RASSF9: variants seen among roughly 807,000 people sequenced by gnomAD.
RASSF9 encodes Ras association domain family member 9.
In RASSF9, 18 loss-of-function variants were observed where a neutral mutation model predicts 21.4. The ratio of observed to expected loss-of-function variants is 0.84; its 90% CI spans 0.58 to 1.25. The LOEUF (loss-of-function observed/expected upper bound fraction) is 1.25. RASSF9 is among the 50% of genes most tolerant of loss of function. The probability of loss-of-function intolerance (pLI) is 0.00; values close to 1 mark genes in which losing one functional copy is unlikely to be tolerated. For synonymous variants in RASSF9, 183 were observed against 179.1 expected (o/e 1.02, Z -0.18); for missense variants, 480 against 503.2 (o/e 0.95, Z 0.44).
chr12:85,821,552 A>C (rs1880211037), intron 1 of RASSF9, among the ~76,000 whole-genome samples: 1 of 151,600 alleles, frequency 6.6e-6, no homozygotes, highest in South Asian at 2.1e-4. Flanking sequence ...GGAGTCTTTC[A>C]GAAAATTAAT....
At position 85,800,959 on chromosome 12, in the gene RASSF9, T is replaced by C. The variant is rs1035100710; in HGVS notation, c.*3743A>G. 3.3e-5 allele frequency: 5 copies of C among 151,946 alleles called. No homozygotes were observed. Among genetic ancestry groups the C allele is most frequent in the African/African-American group, 9.6e-5 (4 of 41,460 alleles). 9.4% of individuals were successfully genotyped at this position (151,946 alleles called of 1,614,324 possible). On this transcript the variant is annotated 3_prime_UTR_variant, in exon 2 of 2. Transcript: ENST00000361228. ...AATATATTTTGTCATGTACAGTAGATATTTAAATAAATATAAAAATAAAAT... is the reference window on the plus strand; with the variant it reads ...AATATATTTTGTCATGTACAGTAGACATTTAAATAAATATAAAAATAAAAT...
intron 1 of RASSF9, among the ~76,000 whole-genome samples, chr12:85,828,908 G>T (rs1316569545): frequency 1.3e-5 from 2 of 152,054 alleles, no homozygotes; most frequent in Non-Finnish European, 2.9e-5. Flanking sequence ...CCATAAAAAG[G>T]TCCATGGTTT....
chr12:85,827,523 T>C (rs985288316), intron 1 of RASSF9, among the ~76,000 whole-genome samples: 3 of 152,194 alleles, frequency 2.0e-5, no homozygotes, highest in African/African-American at 7.2e-5. Context: ...CACCCTTCAA[T>C]GGATTTCCCT....
intron 1 of RASSF9, among the ~76,000 whole-genome samples, chr12:85,806,319 G>A (rs1038526713): frequency 2.1e-4 from 32 of 150,552 alleles, no homozygotes; most frequent in Non-Finnish European, 4.1e-4. Context: ...CAAAGTGCTG[G>A]GATTACAGGC....
chr12:85,801,021 G>A lies in RASSF9; in HGVS notation c.*3681C>T, dbSNP rs1226997180. ...AGAATAGCTTCTACACACTAATGAG[G>A]TGTTGTTATTTTACTTAAGAAGAAA... On this transcript the variant is annotated 3_prime_UTR_variant, in exon 2 of 2. Transcript: ENST00000361228. 6.6e-6 allele frequency: 1 copy of A among 151,796 alleles called. No homozygotes were observed. The highest frequency in any genetic ancestry group is 6.6e-5 in the Admixed American group (1 of 15,240). 9.4% of individuals were successfully genotyped at this position (151,796 alleles called of 1,614,324 possible).
At chr12:85,809,668 AATGATGATGATGATGATGATGATG>A (rs112741704) in intron 1 of RASSF9, among the ~76,000 whole-genome samples, 1 of 139,178 alleles carries the variant, frequency 7.2e-6, no homozygotes, top group South Asian at 2.2e-4. Flanking sequence ...GAATAGTAAT[AATGATGATGATGATGATGATGATG>A]ATGATGATGA....
chr12:85,809,943 CT>C (rs1017532870), intron 1 of RASSF9, among the ~76,000 whole-genome samples: 30 of 150,426 alleles, frequency 2.0e-4, no homozygotes, highest in African/African-American at 6.8e-4. Flanking sequence ...CTATCATTTT[CT>C]TTTTTTCTTT....
At chr12:85,835,244 G>C (rs911212396) in intron 1 of RASSF9, among the ~76,000 whole-genome samples, 3 of 152,078 alleles carry the variant, frequency 2.0e-5, no homozygotes, top group African/African-American at 7.2e-5. Flanking sequence ...GCATGATTGA[G>C]AGAAAAGTGG....
At chr12:85,808,218 A>G (rs146682642) in intron 1 of RASSF9, among the ~76,000 whole-genome samples, 80 of 152,266 alleles carry the variant, frequency 5.3e-4, no homozygotes, top group Admixed American at 3.8e-3. Flanking sequence ...AAAAGTTATT[A>G]CTAAAGGTGA....
At chr12:85,818,081 G>T (rs1322868020) in intron 1 of RASSF9, among the ~76,000 whole-genome samples, 1 of 152,126 alleles carries the variant, frequency 6.6e-6, no homozygotes, top group African/African-American at 2.4e-5. Context: ...GATTAATGTG[G>T]GCATGGTAGC....
At chr12:85,812,540 A>G (rs1309125792) in intron 1 of RASSF9, among the ~76,000 whole-genome samples, 1 of 151,238 alleles carries the variant, frequency 6.6e-6, no homozygotes, top group African/African-American at 2.4e-5. Flanking sequence ...ATTTAAATTT[A>G]TGATTTTATC....
In RASSF9 at chr12:85,804,416, C is replaced by T. The variant is rs1406295294; in HGVS notation, c.*286G>A. ...GTTTATGTAAATCGTTTTCCACAGA[C>T]GCTAAGGAAGATTATCATATGATTC... On this transcript the variant is annotated 3_prime_UTR_variant, in exon 2 of 2. Transcript: ENST00000361228. The T allele has an allele frequency of 2.3e-5, 7 of 304,934 alleles. No individual in the cohort carries two copies. Among genetic ancestry groups the T allele is most frequent in the East Asian group, 1.1e-4 (2 of 17,544 alleles). The allele number at this position is 304,934 out of a possible 1,614,324, so 18.9% of individuals were successfully genotyped here.
rs34395135 is a variant in RASSF9, at chr12:85,805,197, T to C, written c.813A>G (p.Glu271=). The change falls in exon 2 of 2, where the codon GAA becomes GAG. Residue 271 remains glutamate, a synonymous_variant. Coordinates refer to ENST00000361228, the MANE Select transcript of RASSF9 (RefSeq NM_005447.4). ...TGAGTATTCGGTAATATTTCAGTCG[T>C]TCTTCCAGCTGTTCAATTCCATCAC... ...SESDGIEQLE[E]RLKYYRILID... The C allele has an allele frequency of 6.2e-7, 1 of 1,613,902 alleles. No homozygotes were observed. The highest frequency in any genetic ancestry group is 8.5e-7 in the Non-Finnish European group (1 of 1,179,900).
At chr12:85,810,884 A>G (rs1879938494) in intron 1 of RASSF9, among the ~76,000 whole-genome samples, 1 of 150,780 alleles carries the variant, frequency 6.6e-6, no homozygotes. Context: ...ATGCACATAT[A>G]TTGCATGTGT....
At position 85,805,617 on chromosome 12, in the gene RASSF9, G is replaced by C; in HGVS notation, c.393C>G (p.Ala131=). 1.2e-6 allele frequency: 2 copies of C among 1,613,914 alleles called. No homozygotes were observed. Among genetic ancestry groups the C allele is most frequent in the Middle Eastern group, 1.6e-4 (1 of 6,062 alleles). ...LPVPLWRTAE[A]KLVQNTEKLW... ...ATTTTTCTGTGTTTTGCACTAATTT[G>C]GCTTCAGCTGTCCGCCACAAAGGAA... is the stretch of plus-strand genomic sequence containing the variant. The change falls in exon 2 of 2, where the codon GCC becomes GCG. Residue 131 remains alanine, a synonymous_variant. Transcript: ENST00000361228.
At position 85,836,138 on chromosome 12, in the gene RASSF9, C is replaced by A. The variant is rs138047031; in HGVS notation, c.47+17G>T. On this transcript the variant is annotated intron_variant, in intron 1 of 1. Coordinates refer to ENST00000361228, the MANE Select transcript of RASSF9 (RefSeq NM_005447.4). Reference sequence around the variant, plus strand: ...ACACAGAGACACACACACACTTACTCACACGCTTGACTTTACCTGTTTTTA... The same window carrying A: ...ACACAGAGACACACACACACTTACTAACACGCTTGACTTTACCTGTTTTTA... The A allele has an allele frequency of 2.2e-4, 346 of 1,551,252 alleles. 2 individuals carry two copies. The African/African-American group carries it at 4.0e-3, about 18-fold the overall frequency.
chr12:85,823,610 T>C, intron 1 of RASSF9, among the ~76,000 whole-genome samples: 1 of 152,204 alleles, frequency 6.6e-6, no homozygotes, highest in Non-Finnish European at 1.5e-5. Context: ...ACCAATGGAA[T>C]GTGGCAAAAA....
Position 85,805,757 on chromosome 12 carries a change from C to T in RASSF9, c.253G>A (p.Gly85Ser), listed in dbSNP as rs371413533. The T allele has an allele frequency of 1.9e-6, 3 of 1,613,824 alleles. No homozygotes were observed. The highest frequency in any genetic ancestry group is 1.6e-4 in the Middle Eastern group (1 of 6,062). The change falls in exon 2 of 2, where the codon GGC (glycine) becomes AGC (serine). Residue 85 changes from glycine (G) to serine (S), a missense_variant. Transcript: ENST00000361228. ...SDYCIIEKWR[G>S]SERVLPPLTR... ...AGTGGAGGAAGAACCCTTTCGGAGC[C>T]TCTCCACTTCTCTATGATGCAGTAA...
chr12:85,805,324 T>G lies in RASSF9; in HGVS notation c.686A>C (p.Asn229Thr). 1.9e-6 allele frequency: 3 copies of G among 1,613,600 alleles called. No individual in the cohort carries two copies. Among genetic ancestry groups the G allele is most frequent in the Non-Finnish European group, 1.7e-6 (2 of 1,179,882 alleles). ...HLDRVENDGENYVQDAYLMPS... is the reference protein window; with the variant it reads ...HLDRVENDGETYVQDAYLMPS... ...CATTAAATATGCATCCTGAACATAGTTTTCTCCATCATTTTCTACTCGATC... is the reference window on the plus strand; with the variant it reads ...CATTAAATATGCATCCTGAACATAGGTTTCTCCATCATTTTCTACTCGATC... Residue 229 changes from asparagine to threonine, a missense_variant, in exon 2 of 2, where the codon AAC becomes ACC. By Grantham distance (65) the Asn-to-Thr change is moderately conservative. Coordinates refer to ENST00000361228, the MANE Select transcript of RASSF9 (RefSeq NM_005447.4).
Sources: allele counts gnomAD v4.1 joint callset (sites outside exome capture counted in the v4.1 genomes callset), GRCh38; gene constraint gnomAD v4.1.1; transcripts MANE v1.5; gene names NCBI Gene and HGNC (gene_info 2026-07-23, HGNC 2026-07-21).